DSPP: variants seen among roughly 807,000 people sequenced by gnomAD.
DSPP encodes dentin sialophosphoprotein, also known as deafness, autosomal dominant 39.
A neutral mutation model predicts 29.1 loss-of-function variants in DSPP; 28 were observed. The ratio of observed to expected loss-of-function variants is 0.96; its 90% CI spans 0.71 to 1.32. DSPP has a LOEUF of 1.32. Among genes scored for constraint, DSPP ranks in the 40% most tolerant of loss-of-function variants. DSPP has a pLI of 0.00. For synonymous variants in DSPP, 481 were observed against 503.4 expected (o/e 0.96, Z 0.60); for missense variants, 1,281 against 1,629.9 (o/e 0.79, Z 3.69).
At position 87,613,830 on chromosome 4, in the gene DSPP, A is replaced by G. The variant is rs750813283; in HGVS notation, c.1168A>G (p.Lys390Glu). The G allele has an allele frequency of 5.0e-6, 8 of 1,614,086 alleles. No homozygotes were observed. The part of the protein sequence containing the change: ...GPSSGNRNIT[K>E]EVGKGNEGKE... ...CAGCAGTGGCAACAGAAATATTACCAAAGAAGTTGGGAAAGGCAACGAAGG... is the reference window on the plus strand; with the variant it reads ...CAGCAGTGGCAACAGAAATATTACCGAAGAAGTTGGGAAAGGCAACGAAGG... The change falls in exon 5 of 5, where the codon AAA (lysine) becomes GAA (glutamate). Residue 390 changes from lysine (K) to glutamate (E), a missense_variant. Lys to Glu is a moderately conservative substitution (Grantham distance 56, BLOSUM62 1). Coordinates refer to ENST00000651931, the MANE Select transcript of DSPP (RefSeq NM_014208.3).
intron 4 of DSPP, among the ~76,000 whole-genome samples, 187 bp from the exon 5 acceptor site, chr4:87,613,598 T>G (rs1048264377): frequency 6.6e-6 from 1 of 152,236 alleles, no homozygotes; most frequent in Non-Finnish European, 1.5e-5. Context: ...GGATGAATTT[T>G]TAAGGAATCT....
In DSPP at chr4:87,616,763, A is replaced by G. The variant is rs1727966539; in HGVS notation, c.*195A>G. The G allele has an allele frequency of 3.6e-6, 3 of 836,818 alleles. No homozygotes were observed. Among genetic ancestry groups the G allele is most frequent in the Admixed American group, 5.3e-5 (2 of 38,082 alleles). The allele number at this position is 836,818 out of a possible 1,614,324, so 51.8% of individuals were successfully genotyped here. On this transcript the variant is annotated 3_prime_UTR_variant, in exon 5 of 5. Coordinates refer to ENST00000651931, the MANE Select transcript of DSPP (RefSeq NM_014208.3). ...TCCTGCAGAGACAGACTCTGAATGC[A>G]TGACCTTTGGTACATGCCTGTTAAT...
Position 87,615,983 on chromosome 4 carries a change from TAGC to T in DSPP, c.3324_3326del (p.Ser1109del). 1 of 453,106 alleles carries T rather than the reference TAGC, an allele frequency of 2.2e-6. No homozygotes were observed. The highest frequency in any genetic ancestry group is 7.0e-5 in the East Asian group (1 of 14,368). The allele number at this position is 453,106 out of a possible 1,614,324, so 28.1% of individuals were successfully genotyped here. A position where few individuals can be genotyped will look rare whatever the true frequency, so the allele number is the denominator to read the frequency against. ...GCAGCGACAGCAGCGACAGCAGCGA[TAGC>T]AGTGACAGCAGCGATAGCAGTGACA... On this transcript the variant is annotated inframe_deletion, in exon 5 of 5. Transcript: ENST00000651931.
chr4:87,615,007 G>A lies in DSPP; in HGVS notation c.2345G>A (p.Ser782Asn). The stretch of plus-strand genomic sequence containing the variant: ...AGTGATAGTAGTGACAGCAGCAACA[G>A]CAGTGATAGCAACGACAGCAGCAAT... ...DSSDSSDSSN[S>N]SDSNDSSNSS... is the part of the protein sequence containing the mutation. Residue 782 changes from serine (S) to asparagine (N), a missense_variant, in exon 5 of 5, where the codon AGC becomes AAC. Coordinates refer to ENST00000651931, the MANE Select transcript of DSPP (RefSeq NM_014208.3). 1.3e-6 allele frequency: 2 copies of A among 1,551,288 alleles called. No homozygotes were observed. Among genetic ancestry groups the A allele is most frequent in the Non-Finnish European group, 1.7e-6 (2 of 1,146,800 alleles).
In DSPP at chr4:87,614,182, C is replaced by G; in HGVS notation, c.1520C>G (p.Ser507Ter). Residue 507 changes from serine (S) to a stop codon, truncating the protein, a stop_gained, in exon 5 of 5, where the codon TCA (serine) becomes TGA (stop). Coordinates refer to ENST00000651931, the MANE Select transcript of DSPP (RefSeq NM_014208.3). LOFTEE classifies it low-confidence loss of function (END_TRUNC). ...ESKDNGNGSDSKGAEDDDSDS... is the reference protein window; with the variant it reads ...ESKDNGNGSD ...AAAGATAATGGCAATGGCAGTGACT[C>G]AAAAGGAGCAGAAGATGATGACAGT... 2.5e-6 allele frequency: 4 copies of G among 1,614,138 alleles called. No individual in the cohort carries two copies. Among genetic ancestry groups the G allele is most frequent in the Non-Finnish European group, 3.4e-6 (4 of 1,180,026 alleles).
rs1363319355 is a variant in DSPP, at chr4:87,615,353, CAGCAACAGCAGTGAT to C, written c.2694_2708del (p.Asn899_Ser903del). The stretch of plus-strand genomic sequence containing the variant: ...GCAATAGCAGTGACAGCAGTGATAG[CAGCAACAGCAGTGAT>C]AGTGACAGCAGTGATAGCAGCAACA... On this transcript the variant is annotated inframe_deletion, in exon 5 of 5. Transcript: ENST00000651931. 9.2e-6 allele frequency: 14 copies of C among 1,525,540 alleles called. No individual in the cohort carries two copies. The highest frequency in any genetic ancestry group is 6.2e-5 in the Admixed American group (3 of 48,358). 94.5% of individuals were successfully genotyped at this position (1,525,540 alleles called of 1,614,324 possible).
chr4:87,616,266 A>G lies in DSPP; in HGVS notation c.3604A>G (p.Ser1202Gly), dbSNP rs1436614314. The change falls in exon 5 of 5, where the codon AGC becomes GGC. Residue 1202 changes from serine to glycine, a missense_variant. Ser to Gly is a moderately conservative substitution (Grantham distance 56, BLOSUM62 0). This residue lies in a region of DSPP where 134 missense variants were observed against 185.0 expected (regional missense o/e 0.72). Transcript: ENST00000651931. The part of the protein sequence containing the change: ...SSDSSDSSDS[S>G]DSSDSSDSSD... ...CGACAGCAGCGATAGCAGCGACAGC[A>G]GCGATAGTAGTGATAGCAGTGACAG... 3 of 1,355,528 alleles carry G rather than the reference A, an allele frequency of 2.2e-6. 1 individual carries two copies. The highest frequency in any genetic ancestry group is 2.9e-6 in the Non-Finnish European group (3 of 1,017,912). 84.0% of individuals were successfully genotyped at this position (1,355,528 alleles called of 1,614,324 possible).
Position 87,614,592 on chromosome 4 carries a change from GACAGCA to G in DSPP, c.1937_1942del (p.Asn646_Ser647del). 2 of 1,550,756 alleles carry G rather than the reference GACAGCA, an allele frequency of 1.3e-6. No homozygotes were observed. On this transcript the variant is annotated inframe_deletion, in exon 5 of 5. Transcript: ENST00000651931. Reference sequence around the variant, plus strand: ...TAGTGACAGTAAGTCAGACAGCAGTGACAGCAACAGCAGTGACAGTAGTGACAACAG... The same window carrying G: ...TAGTGACAGTAAGTCAGACAGCAGTGACAGCAGTGACAGTAGTGACAACAG...
In DSPP at chr4:87,615,782, CGATAGCAGTGACAGCAGCGATAGCAGT is replaced by C; in HGVS notation, c.3123_3149del (p.Asp1047_Ser1055del). 2.1e-6 allele frequency: 3 copies of C among 1,440,770 alleles called. No individual in the cohort carries two copies. Among genetic ancestry groups the C allele is most frequent in the South Asian group, 2.7e-5 (2 of 75,440 alleles). The allele number at this position is 1,440,770 out of a possible 1,614,324, so 89.2% of individuals were successfully genotyped here. On this transcript the variant is annotated inframe_deletion, in exon 5 of 5. Coordinates refer to ENST00000651931, the MANE Select transcript of DSPP (RefSeq NM_014208.3). ...ACAGCAGCGATAGCAGTGACAGCAG[CGATAGCAGTGACAGCAGCGATAGCAGT>C]GACAGCAGTGACAGCAGCAATAGCA...
At position 87,615,002 on chromosome 4, in the gene DSPP, C is replaced by G. The variant is rs1472059336; in HGVS notation, c.2340C>G (p.Ser780Arg). ...ACAGCAGTGATAGTAGTGACAGCAGCAACAGCAGTGATAGCAACGACAGCA... is the reference window on the plus strand; with the variant it reads ...ACAGCAGTGATAGTAGTGACAGCAGGAACAGCAGTGATAGCAACGACAGCA... ...SSDSSDSSDS[S>R]NSSDSNDSSN... The change falls in exon 5 of 5, where the codon AGC (serine) becomes AGG (arginine). Residue 780 changes from serine (S) to arginine (R), a missense_variant. Ser to Arg is a moderately radical substitution (Grantham distance 110). Coordinates refer to ENST00000651931, the MANE Select transcript of DSPP (RefSeq NM_014208.3). 1.3e-6 allele frequency: 2 copies of G among 1,548,794 alleles called. No individual in the cohort carries two copies. Among genetic ancestry groups the G allele is most frequent in the South Asian group, 2.4e-5 (2 of 83,914 alleles).
At position 87,616,408 on chromosome 4, in the gene DSPP, G is replaced by C; in HGVS notation, c.3746G>C (p.Ser1249Thr). 6.5e-7 allele frequency: 1 copy of C among 1,549,276 alleles called. No homozygotes were observed. The highest frequency in any genetic ancestry group is 8.7e-7 in the Non-Finnish European group (1 of 1,145,716). Residue 1249 changes from serine (S) to threonine (T), a missense_variant, in exon 5 of 5, where the codon AGC becomes ACC. Ser to Thr is a moderately conservative substitution (Grantham distance 58). Coordinates refer to ENST00000651931, the MANE Select transcript of DSPP (RefSeq NM_014208.3). ...DSSDSSDSSN[S>T]SDSSDSSDSS... Reference sequence around the variant, plus strand: ...AGCGATAGCAGTGACAGCAGCAACAGCAGTGACAGCAGCGACAGCAGTGAT... The same window carrying C: ...AGCGATAGCAGTGACAGCAGCAACACCAGTGACAGCAGCGACAGCAGTGAT...
In DSPP at chr4:87,614,437, A is replaced by G. The variant is rs1434329841; in HGVS notation, c.1775A>G (p.Asp592Gly). The change falls in exon 5 of 5, where the codon GAC becomes GGC. Residue 592 changes from aspartate (D) to glycine (G), a missense_variant. By Grantham distance (94) the Asp-to-Gly change is moderately conservative (BLOSUM62 -1). Transcript: ENST00000651931. ...SSDSDSSDSS[D>G]SDSSDSSNSS... Reference sequence around the variant, plus strand: ...GACAGTGACAGCAGTGATAGCAGTGACAGTGATAGTAGTGATAGCAGCAAT... The same window carrying G: ...GACAGTGACAGCAGTGATAGCAGTGGCAGTGATAGTAGTGATAGCAGCAAT... The G allele has an allele frequency of 1.3e-6, 2 of 1,554,062 alleles. No individual in the cohort carries two copies. The highest frequency in any genetic ancestry group is 1.7e-6 in the Non-Finnish European group (2 of 1,148,694).
At position 87,615,309 on chromosome 4, in the gene DSPP, AGTGACAGCAACG is replaced by A. The variant is rs1727856795; in HGVS notation, c.2648_2659del (p.Ser883_Glu887delinsLys). ...CAACAGCAGTGACAGCAGTGATAGC[AGTGACAGCAACG>A]AAAGCAGCAATAGCAGTGACAGCAG... On this transcript the variant is annotated inframe_deletion, in exon 5 of 5. Coordinates refer to ENST00000651931, the MANE Select transcript of DSPP (RefSeq NM_014208.3). The A allele has an allele frequency of 6.5e-7, 1 of 1,531,302 alleles. No individual in the cohort carries two copies. 94.9% of individuals were successfully genotyped at this position (1,531,302 alleles called of 1,614,324 possible). A position where few individuals can be genotyped will look rare whatever the true frequency, so the allele number is the denominator to read the frequency against.
chr4:87,612,805 G>A lies in DSPP; in HGVS notation c.619G>A (p.Glu207Lys), dbSNP rs776196175. 48 of 1,614,010 alleles carry A rather than the reference G, an allele frequency of 3.0e-5. No homozygotes were observed. Among genetic ancestry groups the A allele is most frequent in the African/African-American group, 5.3e-5 (4 of 74,906 alleles). ...AATAATTGAGAATTCCTGTAGAAAC[G>A]AGGGTAATACAAGTGAAATAACACC... ...DEIIENSCRN[E>K]GNTSEITPQI... The change falls in exon 4 of 5, where the codon GAG becomes AAG. Residue 207 changes from glutamate (E) to lysine (K), a missense_variant. This residue lies in a region of DSPP where 631 missense variants were observed against 643.2 expected (regional missense o/e 0.98). Coordinates refer to ENST00000651931, the MANE Select transcript of DSPP (RefSeq NM_014208.3).
At chr4:87,609,130 C>G (rs1265630284) in intron 1 of DSPP, among the ~76,000 whole-genome samples, 1 of 152,168 alleles carries the variant, frequency 6.6e-6, no homozygotes, top group Non-Finnish European at 1.5e-5. Context: ...TCTGATGGAG[C>G]TTCACAAATT....
Position 87,614,531 on chromosome 4 carries a change from G to C in DSPP, c.1869G>C (p.Lys623Asn). The C allele has an allele frequency of 6.5e-7, 1 of 1,549,026 alleles. No homozygotes were observed. The highest frequency in any genetic ancestry group is 8.7e-7 in the Non-Finnish European group (1 of 1,145,886). The change falls in exon 5 of 5, where the codon AAG (lysine) becomes AAC (asparagine). Residue 623 changes from lysine to asparagine, a missense_variant. Physicochemically the swap from Lys to Asn is moderately conservative, Grantham distance 94 (BLOSUM62 0). Coordinates refer to ENST00000651931, the MANE Select transcript of DSPP (RefSeq NM_014208.3). ...SSDSSDSSDS[K>N]SDSSKSESDS... ...ATAGTAGTGACAGCAGTGACAGCAA[G>C]TCAGACAGCAGCAAATCAGAGAGCG... is the stretch of plus-strand genomic sequence containing the variant.
rs3750025 is a variant in DSPP, at chr4:87,612,913, G to T, written c.727G>T (p.Asp243Tyr). 3 of 1,613,978 alleles carry T rather than the reference G, an allele frequency of 1.9e-6. No homozygotes were observed. Among genetic ancestry groups the T allele is most frequent in the South Asian group, 2.2e-5 (2 of 91,072 alleles). ...AGAAGATGCTGGCCTGGATAATTCC[G>T]ATGGGAGTCCTAGTGGGAATGGAGC... ...TGEDAGLDNS[D>Y]GSPSGNGADE... is the part of the protein sequence containing the mutation. The change falls in exon 4 of 5, where the codon GAT becomes TAT. Residue 243 changes from aspartate to tyrosine, a missense_variant. Coordinates refer to ENST00000651931, the MANE Select transcript of DSPP (RefSeq NM_014208.3).
chr4:87,613,038 C>G lies in DSPP; in HGVS notation c.852C>G (p.Asp284Glu). 1 of 1,613,916 alleles carries G rather than the reference C, an allele frequency of 6.2e-7. No homozygotes were observed. The highest frequency in any genetic ancestry group is 8.5e-7 in the Non-Finnish European group (1 of 1,179,998). The change falls in exon 4 of 5, where the codon GAC becomes GAG. Residue 284 changes from aspartate (D) to glutamate (E), a missense_variant. By Grantham distance (45) the Asp-to-Glu change is conservative. Coordinates refer to ENST00000651931, the MANE Select transcript of DSPP (RefSeq NM_014208.3). ...SNNSKGQEGQDHGKEDDHDSS... is the reference protein window; with the variant it reads ...SNNSKGQEGQEHGKEDDHDSS... ...ACAGCAAGGGCCAGGAGGGCCAGGA[C>G]CATGGGAAAGAAGATGATCATGATA...
chr4:87,614,192 A>G lies in DSPP; in HGVS notation c.1530A>G (p.Ala510=), dbSNP rs747691440. 1 of 1,614,268 alleles carries G rather than the reference A, an allele frequency of 6.2e-7. No homozygotes were observed. Among genetic ancestry groups the G allele is most frequent in the Non-Finnish European group, 8.5e-7 (1 of 1,180,042 alleles). ...GCAATGGCAGTGACTCAAAAGGAGC[A>G]GAAGATGATGACAGTGATAGCACAT... is the stretch of plus-strand genomic sequence containing the variant. ...DNGNGSDSKG[A]EDDDSDSTSD... Residue 510 remains alanine (A), a synonymous_variant, in exon 5 of 5, where the codon GCA becomes GCG. Coordinates refer to ENST00000651931, the MANE Select transcript of DSPP (RefSeq NM_014208.3).
Sources: gnomAD v4.1 joint callset for allele counts (sites outside exome capture counted in the v4.1 genomes callset) on GRCh38, gnomAD v4.1.1 for gene constraint, gnomAD v4.1.1 regional missense constraint, MANE v1.5 for transcripts, NCBI Gene and HGNC (gene_info 2026-07-23, HGNC 2026-07-21) for gene names.